Variants in GTF2IRD1 observed in about 807,000 individuals in gnomAD.
GTF2IRD1 encodes the protein GTF2I repeat domain containing 1.
In GTF2IRD1, 26 loss-of-function variants were observed where a neutral mutation model predicts 113.2. The ratio of observed to expected loss-of-function variants is 0.23; its 90% CI spans 0.17 to 0.32. GTF2IRD1 has a LOEUF of 0.32. Ranked by LOEUF, GTF2IRD1 falls within the 10% of genes least tolerant of loss-of-function variation. The probability of loss-of-function intolerance (pLI) is 1.00; values close to 1 mark genes in which losing one functional copy is unlikely to be tolerated. For synonymous variants in GTF2IRD1, 484 were observed against 529.1 expected (o/e 0.91, Z 1.17); for missense variants, 864 against 1,280.8 (o/e 0.67, Z 4.97).
At chr7:74,573,453 C>T (rs949794360) in intron 22 of GTF2IRD1, among the ~76,000 whole-genome samples, 7 of 152,014 alleles carry the variant, frequency 4.6e-5, no homozygotes, top group Admixed American at 1.3e-4. Context: ...TTTCCGGACC[C>T]GAAAGGGAGC....
intron 1 of GTF2IRD1, among the ~76,000 whole-genome samples, chr7:74,483,416 A>G (rs1554335035): frequency 1.3e-5 from 2 of 152,034 alleles, no homozygotes; most frequent in Non-Finnish European, 2.9e-5. Context: ...GCATGGTGGC[A>G]TGTGTCTGCA....
chr7:74,517,720 C>G (rs868986659), intron 4 of GTF2IRD1, among the ~76,000 whole-genome samples: 1 of 152,166 alleles, frequency 6.6e-6, no homozygotes, highest in Non-Finnish European at 1.5e-5. Flanking sequence ...ACGCCCAGCC[C>G]TTATAGCTTT....
chr7:74,601,490 C>G, intron 26 of GTF2IRD1: 10 of 1,435,418 alleles, frequency 7.0e-6, no homozygotes, highest in Non-Finnish European at 8.2e-6. Flanking sequence ...AAAGACATGG[C>G]TGGCGGGTGC....
chr7:74,535,070 C>T, intron 9 of GTF2IRD1, 43 bp from the exon 10 acceptor site: 1 of 1,594,748 alleles, frequency 6.3e-7, no homozygotes, highest in Non-Finnish European at 8.6e-7. Context: ...GGAGAGTCCT[C>T]CAGCCTGCAC....
intron 7 of GTF2IRD1, among the ~76,000 whole-genome samples, chr7:74,523,187 C>G (rs1478522320): frequency 6.6e-6 from 1 of 152,262 alleles, no homozygotes; most frequent in African/African-American, 2.4e-5. Context: ...CCACAGCACT[C>G]CAGCCTGGGC....
intron 8 of GTF2IRD1, among the ~76,000 whole-genome samples, chr7:74,526,126 C>T (rs1231809780): frequency 1.3e-5 from 2 of 152,338 alleles, no homozygotes; most frequent in East Asian, 3.9e-4. Context: ...GGAGGGGAAC[C>T]AGGGAGGAGC....
intron 25 of GTF2IRD1, among the ~76,000 whole-genome samples, chr7:74,599,757 A>G (rs936295959): frequency 1.3e-5 from 2 of 152,138 alleles, no homozygotes; most frequent in South Asian, 4.1e-4. Context: ...TCCTGACCTC[A>G]GTCAATCCAC....
Position 74,512,709 on chromosome 7 carries a change from C to G in GTF2IRD1, c.124-121C>G. The G allele has an allele frequency of 3.5e-6, 3 of 852,550 alleles. No homozygotes were observed. The highest frequency in any genetic ancestry group is 5.5e-6 in the Non-Finnish European group (3 of 545,040). 52.8% of individuals were successfully genotyped at this position (852,550 alleles called of 1,614,324 possible). On this transcript the variant is annotated intron_variant, in intron 2 of 26. Transcript: ENST00000424337. This position sits in a 1 kb window ranked among gnomAD's most constrained non-coding sequence, Gnocchi z 4.4. ...CAAGAACAGTAGAGGGGCCGTCTGT[C>G]CCTGGAGCTGCTGCTGGGGTCTCAG...
intron 1 of GTF2IRD1, among the ~76,000 whole-genome samples, chr7:74,501,732 A>C (rs913121066): frequency 6.6e-6 from 1 of 152,058 alleles, no homozygotes; most frequent in Non-Finnish European, 1.5e-5. Flanking sequence ...GCTCACTGCA[A>C]CCTCGACCTC....
At chr7:74,551,508 A>C (rs1799305133) in intron 17 of GTF2IRD1, among the ~76,000 whole-genome samples, 1 of 152,218 alleles carries the variant, frequency 6.6e-6, no homozygotes, top group Non-Finnish European at 1.5e-5. Context: ...TCAAAATGTC[A>C]TGTCAGGTAG....
In GTF2IRD1 at chr7:74,557,717, A is replaced by C. The variant is rs782146707; in HGVS notation, c.2102A>C (p.Lys701Thr). 1.2e-6 allele frequency: 2 copies of C among 1,603,406 alleles called. No homozygotes were observed. The highest frequency in any genetic ancestry group is 1.1e-5 in the South Asian group (1 of 90,840). ...REQVQDLFNK[K>T]YGEALGIKYP... ...CAGGTCCAGGACCTTTTCAATAAGA[A>C]ATACGGTAAGCAGTGCAGAACCCCC... Residue 701 changes from lysine to threonine, a missense_variant, in exon 20 of 27, where the codon AAA becomes ACA. This residue lies in a region of GTF2IRD1 where 195 missense variants were observed against 359.1 expected (regional missense o/e 0.54). Coordinates refer to ENST00000424337, the MANE Select transcript of GTF2IRD1 (RefSeq NM_005685.4).
chr7:74,478,552 C>T (rs557753685), intron 1 of GTF2IRD1, among the ~76,000 whole-genome samples: 10 of 152,210 alleles, frequency 6.6e-5, no homozygotes, highest in African/African-American at 2.2e-4. Flanking sequence ...AACTCTTGGG[C>T]TCAAGCGATC....
chr7:74,563,131 A>T (rs1554359608), intron 22 of GTF2IRD1, among the ~76,000 whole-genome samples: 1 of 151,768 alleles, frequency 6.6e-6, no homozygotes, highest in African/African-American at 2.4e-5. Context: ...ACTGAGCATG[A>T]GAAGGTCCGT....
At chr7:74,510,778 A>G (rs987809957) in intron 2 of GTF2IRD1, among the ~76,000 whole-genome samples, 10 of 151,946 alleles carry the variant, frequency 6.6e-5, no homozygotes, top group Non-Finnish European at 1.0e-4. Flanking sequence ...GCCAGGCGCA[A>G]TGGCTCACGC....
intron 25 of GTF2IRD1, among the ~76,000 whole-genome samples, chr7:74,600,360 A>G (rs1460187286): frequency 1.3e-5 from 2 of 152,006 alleles, no homozygotes; most frequent in African/African-American, 2.4e-5. Context: ...TGGAAGCTGC[A>G]GTGAGCTACG....
At chr7:74,554,949 G>C (rs1409310776) in intron 17 of GTF2IRD1, among the ~76,000 whole-genome samples, 2 of 152,182 alleles carry the variant, frequency 1.3e-5, no homozygotes, top group Non-Finnish European at 2.9e-5. Flanking sequence ...GATATCAGAT[G>C]GACCTGTTCA....
chr7:74,462,519 G>T (rs1554329614), intron 1 of GTF2IRD1, among the ~76,000 whole-genome samples: 1 of 152,198 alleles, frequency 6.6e-6, no homozygotes, highest in East Asian at 1.9e-4. Flanking sequence ...GGTCCCTTCT[G>T]GTCCCTGAGT....
Position 74,547,471 on chromosome 7 carries a change from C to A in GTF2IRD1, c.1916+185C>A, listed in dbSNP as rs1306702146. Reference sequence around the variant, plus strand: ...TTTTTTTTTTTTTTTGAGACAGAGTCTCACTGTCTCCCAGGCTGGAGTACA... The same window carrying A: ...TTTTTTTTTTTTTTTGAGACAGAGTATCACTGTCTCCCAGGCTGGAGTACA... On this transcript the variant is annotated intron_variant, in intron 17 of 26. Transcript: ENST00000424337. Among the ~76,000 whole-genome samples the A allele has an allele frequency of 2.3e-5, 3 of 128,860 alleles. No individual in the cohort carries two copies. In the Admixed American group the frequency reaches 2.8e-4, roughly 12 times the overall value. 84.5% of individuals were successfully genotyped at this position (128,860 alleles called of 152,430 possible). A position where few individuals can be genotyped will look rare whatever the true frequency, so the allele number is the denominator to read the frequency against.
At position 74,555,353 on chromosome 7, in the gene GTF2IRD1, C is replaced by T; in HGVS notation, c.1967-85C>T. 3 of 1,487,750 alleles carry T rather than the reference C, an allele frequency of 2.0e-6. No homozygotes were observed. The highest frequency in any genetic ancestry group is 2.8e-6 in the Non-Finnish European group (3 of 1,065,520). 92.2% of individuals were successfully genotyped at this position (1,487,750 alleles called of 1,614,324 possible). A position where few individuals can be genotyped will look rare whatever the true frequency, so the allele number is the denominator to read the frequency against. On this transcript the variant is annotated intron_variant, in intron 18 of 26. Coordinates refer to ENST00000424337, the MANE Select transcript of GTF2IRD1 (RefSeq NM_005685.4). The surrounding 1 kb of genome is among the most constrained non-coding windows in gnomAD (Gnocchi z 5.3). ...GGCCCTGGCATTCTCCCCACACCCC[C>T]ACATTGGGTTTCCCCTAACGATGCC...
Sources: gnomAD v4.1 joint callset for allele counts (sites outside exome capture counted in the v4.1 genomes callset) on GRCh38, gnomAD v4.1.1 for gene constraint, gnomAD v4.1.1 regional missense constraint, Gnocchi (gnomAD v3.1) non-coding constraint, MANE v1.5 for transcripts, NCBI Gene and HGNC (gene_info 2026-07-23, HGNC 2026-07-21) for gene names.